OPN3: variants seen among roughly 807,000 people sequenced by gnomAD.
OPN3 encodes the protein opsin 3.
In OPN3, 29 loss-of-function variants were observed where a neutral mutation model predicts 33.8. The observed-to-expected ratio is 0.86, with a 90% CI of 0.64 to 1.17. The LOEUF is 1.17. Among genes scored for constraint, OPN3 ranks in the 50% most tolerant of loss-of-function variants. The pLI is 0.00. For synonymous variants in OPN3, 216 were observed against 216.1 expected, an observed-to-expected ratio of 1.00 and a Z score of 0.00; for missense variants, 437 against 514.1, an observed-to-expected ratio of 0.85 and a Z score of 1.45.
At chr1:241,629,883 G>C (rs1370661087) in intron 1 of OPN3, 1 of 151,982 alleles carries the variant, frequency 6.6e-6, no homozygotes, top group East Asian at 1.9e-4. Flanking sequence ...TTGCTTAATA[G>C]CATGTTTTAA....
intron 3 of OPN3, among the ~76,000 whole-genome samples, chr1:241,596,997 CT>C (rs66972551): frequency 0.13 from 19,430 of 146,406 alleles, 1,458 homozygotes; most frequent in East Asian, 0.22. Context: ...CTAATTTTTT[CT>C]TTTTTTTTTT....
At chr1:241,598,468 G>A (rs1416034735) in intron 2 of OPN3, among the ~76,000 whole-genome samples, 1 of 152,144 alleles carries the variant, frequency 6.6e-6, no homozygotes, top group Non-Finnish European at 1.5e-5. Flanking sequence ...TGGCCTTGAT[G>A]AGCACTTAAT....
intron 2 of OPN3, among the ~76,000 whole-genome samples, chr1:241,601,645 G>A (rs757358211): frequency 6.6e-6 from 1 of 152,198 alleles, no homozygotes; most frequent in Non-Finnish European, 1.5e-5. Context: ...GGCGGAGGTT[G>A]CAGTGAGCCG....
chr1:241,609,015 T>C (rs1170329802), intron 1 of OPN3, among the ~76,000 whole-genome samples: 1 of 152,260 alleles, frequency 6.6e-6, no homozygotes, highest in Non-Finnish European at 1.5e-5. Context: ...GTATTTTATT[T>C]GATTCCCACA....
intron 2 of OPN3, among the ~76,000 whole-genome samples, chr1:241,601,879 T>C (rs1050515672): frequency 3.3e-5 from 5 of 152,208 alleles, no homozygotes; most frequent in Non-Finnish European, 5.9e-5. Context: ...GAATGATGAC[T>C]ATTCAATGAG....
intron 2 of OPN3, among the ~76,000 whole-genome samples, chr1:241,602,303 G>C (rs773682589): frequency 1.3e-5 from 2 of 152,180 alleles, no homozygotes; most frequent in Non-Finnish European, 2.9e-5. Context: ...AAACGCTGAG[G>C]ATGCTAGAAA....
chr1:241,593,363 GGCT>G lies in OPN3; in HGVS notation c.*1062_*1064del. Reference sequence around the variant, plus strand: ...TTCTTTGGTTCATCCTTCTTTAACAGGCTGCTGAGTCACTCAGAAATCCTTCAA... The same window carrying G: ...TTCTTTGGTTCATCCTTCTTTAACAGGCTGAGTCACTCAGAAATCCTTCAA... On this transcript the variant is annotated 3_prime_UTR_variant, in exon 4 of 4. Transcript: ENST00000366554. The G allele has an allele frequency of 2.3e-6, 1 of 439,068 alleles. No individual in the cohort carries two copies. The highest frequency in any genetic ancestry group is 1.7e-5 in the South Asian group (1 of 60,202). 27.2% of individuals were successfully genotyped at this position (439,068 alleles called of 1,614,324 possible).
intron 1 of OPN3, among the ~76,000 whole-genome samples, chr1:241,626,491 T>C (rs1664422947): frequency 6.6e-6 from 1 of 152,182 alleles, no homozygotes. Context: ...ATGTTATGTA[T>C]TTATAAAATG....
At chr1:241,600,595 T>C (rs1175188859) in intron 2 of OPN3, 1 of 152,242 alleles carries the variant, frequency 6.6e-6, no homozygotes. Context: ...AATTTCACTG[T>C]GAATCTTCAT....
intron 1 of OPN3, chr1:241,634,844 T>C: frequency 6.2e-7 from 1 of 1,611,712 alleles, no homozygotes; most frequent in Non-Finnish European, 8.5e-7. Flanking sequence ...AGGATGTTGT[T>C]CATACTCTAA....
At chr1:241,612,720 T>G (rs1464919698) in intron 1 of OPN3, among the ~76,000 whole-genome samples, 1 of 152,214 alleles carries the variant, frequency 6.6e-6, no homozygotes, top group Non-Finnish European at 1.5e-5. Context: ...TTTGAGATAT[T>G]CTTTCAGGTC....
At chr1:241,622,297 T>C (rs76146653) in intron 1 of OPN3, among the ~76,000 whole-genome samples, 2 of 152,344 alleles carry the variant, frequency 1.3e-5, no homozygotes, top group East Asian at 3.9e-4. Flanking sequence ...AGTGTAGCTA[T>C]ATATTTATAT....
intron 2 of OPN3, among the ~76,000 whole-genome samples, chr1:241,600,003 T>C (rs2147997671): frequency 6.6e-6 from 1 of 152,326 alleles, no homozygotes; most frequent in East Asian, 1.9e-4. Flanking sequence ...ACAAGCAACA[T>C]AACCACATCT....
intron 1 of OPN3, chr1:241,635,320 ATT>A: frequency 6.2e-7 from 1 of 1,614,014 alleles, no homozygotes; most frequent in Non-Finnish European, 8.5e-7. Flanking sequence ...TTTCGTCGCT[ATT>A]AAAATACGAT....
At position 241,640,100 on chromosome 1, in the gene OPN3, CCAATGGAGCCCAGCAGCA is replaced by C; in HGVS notation, c.137_154del (p.Leu46_Gly52delinsArg). 6.2e-7 allele frequency: 1 copy of C among 1,606,566 alleles called. No homozygotes were observed. The highest frequency in any genetic ancestry group is 8.5e-7 in the Non-Finnish European group (1 of 1,177,110). On this transcript the variant is annotated inframe_deletion, in exon 1 of 4. Coordinates refer to ENST00000366554, the MANE Select transcript of OPN3 (RefSeq NM_014322.3). ...CAGGTTGTTGCCGACGCCCAGCAGC[CCAATGGAGCCCAGCAGCA>C]GCGCCAGGCGCTCGTAGGTGCCGGG...
chr1:241,635,710 G>C (rs769627175), intron 1 of OPN3: 2 of 1,613,786 alleles, frequency 1.2e-6, no homozygotes, highest in African/African-American at 1.3e-5. Context: ...GGATGGATTC[G>C]GGCAAACCTG....
At chr1:241,609,708 T>C (rs998906666) in intron 1 of OPN3, among the ~76,000 whole-genome samples, 4 of 152,166 alleles carry the variant, frequency 2.6e-5, no homozygotes, top group African/African-American at 4.8e-5. Context: ...CATTCAGAGA[T>C]AAAGCTTAAG....
chr1:241,619,192 T>C (rs1664212572), intron 1 of OPN3, among the ~76,000 whole-genome samples: 1 of 152,200 alleles, frequency 6.6e-6, no homozygotes, highest in African/African-American at 2.4e-5. Flanking sequence ...CTTGCCTTTG[T>C]CCCCATCTGC....
rs1663585571 is a variant in OPN3, at chr1:241,598,078, A to T, written c.694-81T>A. The T allele has an allele frequency of 2.0e-6, 3 of 1,466,810 alleles. No individual in the cohort carries two copies. The South Asian group carries it at 4.1e-5, about 20-fold the overall frequency. 90.9% of individuals were successfully genotyped at this position (1,466,810 alleles called of 1,614,324 possible). On this transcript the variant is annotated intron_variant, in intron 2 of 3. Coordinates refer to ENST00000366554, the MANE Select transcript of OPN3 (RefSeq NM_014322.3). ...TGTTGTTTTTATAACAGATATTCAG[A>T]CACCATTCTTGGCCCCACCTAAATG...
Sources: allele counts gnomAD v4.1 joint callset (sites outside exome capture counted in the v4.1 genomes callset), GRCh38; gene constraint gnomAD v4.1.1; transcripts MANE v1.5; gene names NCBI Gene and HGNC (gene_info 2026-07-23, HGNC 2026-07-21).